Variants in PDLIM5 observed in about 807,000 individuals in gnomAD.
The protein encoded by PDLIM5 is PDZ and LIM domain protein 5.
In PDLIM5, 34 loss-of-function variants were observed where a neutral mutation model predicts 64.2. That is an observed-to-expected ratio of 0.53 (90% confidence interval 0.40 to 0.71). The LOEUF (loss-of-function observed/expected upper bound fraction) is 0.71. Among genes scored for constraint, PDLIM5 ranks in the 30% least tolerant of loss-of-function variants. PDLIM5 has a pLI of 0.00. For missense variants in PDLIM5, 683 were observed against 733.6 expected, an observed-to-expected ratio of 0.93 and a Z score of 0.80; for synonymous variants, 253 against 269.1, an observed-to-expected ratio of 0.94 and a Z score of 0.59.
intron 2 of PDLIM5, among the ~76,000 whole-genome samples, chr4:94,510,120 T>TA (rs1728742246): frequency 2.0e-5 from 3 of 152,232 alleles, no homozygotes; most frequent in Admixed American, 2.0e-4. Flanking sequence ...GCTCAACTGT[T>TA]ACCAGTGGAA....
At chr4:94,551,771 A>G (rs1453774568) in intron 3 of PDLIM5, among the ~76,000 whole-genome samples, 3 of 152,306 alleles carry the variant, frequency 2.0e-5, no homozygotes, top group Non-Finnish European at 2.9e-5. Flanking sequence ...TGTGTCTGGT[A>G]TATGACCCAT....
At chr4:94,635,663 C>G (rs1470884984) in intron 8 of PDLIM5, among the ~76,000 whole-genome samples, 1 of 151,446 alleles carries the variant, frequency 6.6e-6, no homozygotes, top group Non-Finnish European at 1.5e-5. Flanking sequence ...ATAATGGAAG[C>G]AGGGCTCATT....
intron 5 of PDLIM5, chr4:94,577,308 C>T (rs1735356106): frequency 2.2e-6 from 1 of 456,362 alleles, no homozygotes; most frequent in Non-Finnish European, 4.4e-6. Flanking sequence ...AGAGGCTGTG[C>T]TTTCTGTAGC....
intron 2 of PDLIM5, among the ~76,000 whole-genome samples, chr4:94,460,529 G>A: frequency 6.6e-6 from 1 of 151,418 alleles, no homozygotes; most frequent in East Asian, 1.9e-4. Context: ...GACAAGGTGG[G>A]AGGATCACTT....
At chr4:94,571,967 C>T (rs1471460715) in intron 3 of PDLIM5, among the ~76,000 whole-genome samples, 1 of 152,144 alleles carries the variant, frequency 6.6e-6, no homozygotes, top group East Asian at 1.9e-4. Flanking sequence ...CCATTGCTAC[C>T]TCTCATTAGG....
intron 2 of PDLIM5, among the ~76,000 whole-genome samples, chr4:94,473,314 T>G (rs1725042447): frequency 6.6e-6 from 1 of 152,144 alleles, no homozygotes; most frequent in African/African-American, 2.4e-5. Flanking sequence ...GAGGCTGGAG[T>G]ACAGTGGCAC....
At position 94,566,706 on chromosome 4, in the gene PDLIM5, G is replaced by T. The variant is rs139571101; in HGVS notation, c.249-6645G>T. Among the ~76,000 whole-genome samples, 106 of 152,258 alleles carry T rather than the reference G, an allele frequency of 7.0e-4. 1 individual carries two copies. The highest frequency in any genetic ancestry group is 2.0e-3 in the African/African-American group (85 of 41,552). ...TCAACAAAGAGCTTCGTAAGAGAAG[G>T]CCTGAATATGAAAGGCGGGAACTCT... On this transcript the variant is annotated intron_variant, in intron 3 of 12. Transcript: ENST00000317968.
chr4:94,504,554 G>C (rs1289409278), intron 2 of PDLIM5, among the ~76,000 whole-genome samples: 1 of 152,142 alleles, frequency 6.6e-6, no homozygotes, highest in African/African-American at 2.4e-5. Flanking sequence ...CAAAGTGCTG[G>C]GATTACAGGT....
intron 2 of PDLIM5, among the ~76,000 whole-genome samples, chr4:94,506,240 T>G (rs912579329): frequency 3.9e-5 from 6 of 152,262 alleles, no homozygotes; most frequent in Non-Finnish European, 7.3e-5. Context: ...AAGTAATTCC[T>G]AGTATGATAT....
rs891128048 is a variant in PDLIM5 at position 94,455,238 on chromosome 4, C to T, written c.-42-9C>T. On this transcript the variant is annotated splice_polypyrimidine_tract_variant and intron_variant, in intron 1 of 12. Transcript: ENST00000317968. ...ACATTTTTGCTAATCATCTGATTTT[C>T]TTTCACAGCATATTTCATTTTCTGT... The T allele has an allele frequency of 2.8e-6, 3 of 1,077,858 alleles. No individual in the cohort carries two copies. Among genetic ancestry groups the T allele is most frequent in the Admixed American group, 1.9e-5 (1 of 53,010 alleles). 66.8% of individuals were successfully genotyped at this position (1,077,858 alleles called of 1,614,324 possible).
At chr4:94,527,785 G>T (rs1227596698) in intron 3 of PDLIM5, among the ~76,000 whole-genome samples, 1 of 152,200 alleles carries the variant, frequency 6.6e-6, no homozygotes. Flanking sequence ...CCCCTTCCTT[G>T]TATTTGTTAG....
intron 7 of PDLIM5, chr4:94,587,053 G>A (rs79765561): frequency 6.2e-7 from 1 of 1,603,628 alleles, no homozygotes; most frequent in East Asian, 2.2e-5. Context: ...GCACCATGAA[G>A]TTTCAGCACG....
Position 94,587,943 on chromosome 4 carries a change from C to T in PDLIM5, c.920+1499C>T, listed in dbSNP as rs923678878. ...ATCAGAGAAATATTTTACTTAGTGA[C>T]GTAAACTACTGTGCACTGCTGCTAT... is the stretch of plus-strand genomic sequence containing the variant. On this transcript the variant is annotated intron_variant, in intron 7 of 12. Transcript: ENST00000317968. The T allele has an allele frequency of 1.6e-5, 16 of 977,800 alleles. No homozygotes were observed. The East Asian group carries it at 6.8e-4, about 42-fold the overall frequency. 60.6% of individuals were successfully genotyped at this position (977,800 alleles called of 1,614,324 possible).
At chr4:94,464,994 A>G (rs1724221943) in intron 2 of PDLIM5, among the ~76,000 whole-genome samples, 4 of 152,062 alleles carry the variant, frequency 2.6e-5, no homozygotes, top group African/African-American at 9.7e-5. Context: ...TGAGCTTCCC[A>G]TTATCTTTTG....
At chr4:94,456,600 A>AT in intron 2 of PDLIM5, 1 of 724,790 alleles carries the variant, frequency 1.4e-6, no homozygotes, top group Non-Finnish European at 2.4e-6. Flanking sequence ...CAATTGTATA[A>AT]TTTTATTTTA....
intron 2 of PDLIM5, among the ~76,000 whole-genome samples, chr4:94,482,627 G>A (rs114282830): frequency 4.6e-4 from 70 of 152,224 alleles, no homozygotes; most frequent in African/African-American, 1.6e-3. Flanking sequence ...TGGGCATAGT[G>A]GCTCATTCCT....
intron 10 of PDLIM5, 103 bp from the exon 11 acceptor site, chr4:94,657,324 T>G: frequency 2.7e-6 from 2 of 733,162 alleles, no homozygotes; most frequent in Non-Finnish European, 4.5e-6. Context: ...TGTGCCTACT[T>G]TGGATTAGCT....
intron 2 of PDLIM5, among the ~76,000 whole-genome samples, chr4:94,477,767 T>C (rs1240992443): frequency 3.9e-5 from 6 of 152,100 alleles, no homozygotes; most frequent in Admixed American, 3.9e-4. Flanking sequence ...CTGCCTCCCC[T>C]TCCACCTCCT....
At chr4:94,528,597 T>A (rs1034023768) in intron 3 of PDLIM5, among the ~76,000 whole-genome samples, 3 of 152,190 alleles carry the variant, frequency 2.0e-5, no homozygotes, top group African/African-American at 4.8e-5. Context: ...TAGGAATCAT[T>A]TATCTATTTC....
Sources: allele counts gnomAD v4.1 joint callset (sites outside exome capture counted in the v4.1 genomes callset), GRCh38; gene constraint gnomAD v4.1.1; transcripts MANE v1.5; gene names NCBI Gene and HGNC (gene_info 2026-07-23, HGNC 2026-07-21).